Variants in PRLR observed in about 807,000 individuals in gnomAD.
The protein encoded by PRLR is prolactin receptor.
PRLR carries 13 observed loss-of-function variants against 40.2 expected under a neutral mutation model. The ratio of observed to expected loss-of-function variants is 0.32; its 90% CI spans 0.21 to 0.51. PRLR has a LOEUF of 0.51. Among genes scored for constraint, PRLR ranks in the 20% least tolerant of loss-of-function variants. The pLI, the probability that PRLR is intolerant of heterozygous loss-of-function variation, is 0.97. For missense variants in PRLR, 656 were observed against 747.3 expected (o/e 0.88, Z 1.42); for synonymous variants, 269 against 278.7 (o/e 0.97, Z 0.35).
chr5:35,135,982 T>C (rs369650685), intron 1 of PRLR, among the ~76,000 whole-genome samples: 75 of 152,180 alleles, frequency 4.9e-4, no homozygotes, highest in African/African-American at 1.7e-3. Flanking sequence ...AACTGGGAAA[T>C]ATGGCCACGA....
intron 2 of PRLR, among the ~76,000 whole-genome samples, chr5:35,101,821 A>G (rs954692965): frequency 8.7e-4 from 129 of 148,346 alleles, no homozygotes; most frequent in African/African-American, 3.0e-3. Flanking sequence ...TATATGTTTT[A>G]TATATTATAT....
At chr5:35,212,647 C>T (rs1776199779) in intron 1 of PRLR, among the ~76,000 whole-genome samples, 1 of 152,118 alleles carries the variant, frequency 6.6e-6, no homozygotes, top group African/African-American at 2.4e-5. Flanking sequence ...AGTTATACTG[C>T]CTAAATGAAA....
intron 1 of PRLR, among the ~76,000 whole-genome samples, chr5:35,181,443 T>A (rs113411751): frequency 0.011 from 1,697 of 152,282 alleles, 35 homozygotes; most frequent in African/African-American, 0.039. Flanking sequence ...TAATTTTGAA[T>A]TATATCATGT....
At chr5:35,048,989 C>CA in exon 9 of PRLR, 1 of 431,544 alleles carries the variant, frequency 2.3e-6, no homozygotes, top group South Asian at 1.8e-5. Context: ...CAAACACCTG[C>CA]ATAACAACCT....
intron 1 of PRLR, among the ~76,000 whole-genome samples, chr5:35,185,215 T>C (rs1775395607): frequency 1.3e-5 from 2 of 152,324 alleles, no homozygotes; most frequent in East Asian, 3.9e-4. Context: ...TCCATCTAAA[T>C]TCCAGAATGT....
rs192466456 is a variant in PRLR at position 35,219,293 on chromosome 5, G to A, written c.-106+10975C>T. On this transcript the variant is annotated intron_variant, in intron 1 of 9. Transcript: ENST00000618457. ...ACTAGGAACCCAGAGCTGTACAGAT[G>A]GATTCAGTTCAAAACCTGGCTTTAC... Among the ~76,000 whole-genome samples, 6 of 152,292 alleles carry A rather than the reference G, an allele frequency of 3.9e-5. No individual in the cohort carries two copies. In the East Asian group the frequency reaches 1.2e-3, roughly 29 times the overall value.
chr5:35,228,704 G>A (rs1237806307), intron 1 of PRLR, among the ~76,000 whole-genome samples: 2 of 152,188 alleles, frequency 1.3e-5, no homozygotes, highest in Non-Finnish European at 2.9e-5. Flanking sequence ...TGGAGTCAGA[G>A]GCTGGTAGAG....
chr5:35,055,561 T>A (rs1579538586), downstream of PRLR: 1 of 152,062 alleles, frequency 6.6e-6, no homozygotes, highest in African/African-American at 2.4e-5. Flanking sequence ...ATTTCCGGAG[T>A]TAAAATGCAG....
intron 1 of PRLR, among the ~76,000 whole-genome samples, chr5:35,134,649 G>T (rs1773793904): frequency 6.6e-6 from 1 of 152,168 alleles, no homozygotes; most frequent in Admixed American, 6.5e-5. Context: ...AATGAACTGG[G>T]ATTTAATTTA....
intron 5 of PRLR, chr5:35,081,614 A>T (rs1770524933): frequency 6.5e-6 from 1 of 153,060 alleles, no homozygotes; most frequent in African/African-American, 2.4e-5. Flanking sequence ...ATCAATGAGA[A>T]TCTCATATAC....
At chr5:35,150,945 T>C (rs1479578116) in intron 1 of PRLR, among the ~76,000 whole-genome samples, 1 of 152,170 alleles carries the variant, frequency 6.6e-6, no homozygotes, top group Non-Finnish European at 1.5e-5. Flanking sequence ...TTGCTAATAG[T>C]AGGCATATAA....
At chr5:35,079,052 G>A (rs1770319840) in intron 5 of PRLR, among the ~76,000 whole-genome samples, 1 of 152,120 alleles carries the variant, frequency 6.6e-6, no homozygotes, top group Non-Finnish European at 1.5e-5. Flanking sequence ...TTGATGGGAT[G>A]TATCTCAAAA....
At chr5:35,169,694 A>G (rs925312476) in intron 1 of PRLR, among the ~76,000 whole-genome samples, 1 of 152,224 alleles carries the variant, frequency 6.6e-6, no homozygotes, top group Non-Finnish European at 1.5e-5. Context: ...TTGATTTACC[A>G]ACACCCACGA....
At chr5:35,075,556 G>A (rs572830052) in intron 5 of PRLR, among the ~76,000 whole-genome samples, 41 of 152,302 alleles carry the variant, frequency 2.7e-4, no homozygotes, top group Middle Eastern at 6.8e-3. Flanking sequence ...GAACTGGGTG[G>A]AGCCCACCCC....
intron 1 of PRLR, among the ~76,000 whole-genome samples, chr5:35,193,879 T>C (rs1212632639): frequency 6.6e-6 from 1 of 152,140 alleles, no homozygotes. Flanking sequence ...AGCTGGATTC[T>C]TACTCTGAGG....
intron 1 of PRLR, among the ~76,000 whole-genome samples, chr5:35,150,004 G>A (rs2111857815): frequency 6.6e-6 from 1 of 152,120 alleles, no homozygotes; most frequent in East Asian, 1.9e-4. Context: ...GTGAGCCAGT[G>A]CGCCTGAGTA....
chr5:35,196,108 A>G (rs1775729176), intron 1 of PRLR, among the ~76,000 whole-genome samples: 1 of 147,568 alleles, frequency 6.8e-6, no homozygotes, highest in African/African-American at 2.5e-5. Context: ...ATAAAATAAA[A>G]TAAAGAGAAA....
At chr5:35,073,969 GA>G (rs1769909809) in intron 5 of PRLR, among the ~76,000 whole-genome samples, 1 of 152,160 alleles carries the variant, frequency 6.6e-6, no homozygotes, top group East Asian at 1.9e-4. Flanking sequence ...AACCACTGTG[GA>G]AAACAGTCTG....
chr5:35,195,668 C>T (rs1169783474), intron 1 of PRLR: 1 of 152,238 alleles, frequency 6.6e-6, no homozygotes, highest in Non-Finnish European at 1.5e-5. Flanking sequence ...ATTTCCTACA[C>T]TGACAAGGAG....
Sources: allele counts gnomAD v4.1 joint callset (sites outside exome capture counted in the v4.1 genomes callset), GRCh38; gene constraint gnomAD v4.1.1; transcripts MANE v1.5; gene names NCBI Gene and HGNC (gene_info 2026-07-23, HGNC 2026-07-21).